SLC2A13: variants seen among roughly 807,000 people sequenced by gnomAD.
SLC2A13 encodes the protein proton myo-inositol cotransporter.
Under a neutral mutation model 64.4 loss-of-function variants are expected in SLC2A13, and 32 were observed. The ratio of observed to expected loss-of-function variants is 0.50; its 90% CI spans 0.37 to 0.67. The LOEUF (loss-of-function observed/expected upper bound fraction) is 0.67. Ranked by LOEUF, SLC2A13 falls within the 30% of genes least tolerant of loss-of-function variation. The pLI is 0.00. For missense variants in SLC2A13, 743 were observed against 829.2 expected (o/e 0.90, Z 1.28); for synonymous variants, 338 against 327.1 (o/e 1.03, Z -0.36).
chr12:39,860,143 A>G (rs999068531), intron 6 of SLC2A13, among the ~76,000 whole-genome samples: 1 of 152,224 alleles, frequency 6.6e-6, no homozygotes, highest in African/African-American at 2.4e-5. Flanking sequence ...GGACAAGAGA[A>G]GCCTAAAGAA....
intron 2 of SLC2A13, among the ~76,000 whole-genome samples, chr12:40,030,879 C>T (rs756292911): frequency 2.0e-5 from 3 of 152,060 alleles, no homozygotes; most frequent in Non-Finnish European, 4.4e-5. Flanking sequence ...AGTCTGGGTC[C>T]GAAATGTACA....
intron 4 of SLC2A13, among the ~76,000 whole-genome samples, chr12:39,878,740 G>GA (rs1322853021): frequency 2.0e-5 from 3 of 152,172 alleles, no homozygotes; most frequent in Non-Finnish European, 4.4e-5. Context: ...GGCAGAAAAA[G>GA]AAAAAAGCTT....
chr12:39,995,655 T>C (rs1947214865), intron 3 of SLC2A13, among the ~76,000 whole-genome samples: 1 of 152,244 alleles, frequency 6.6e-6, no homozygotes, highest in South Asian at 2.1e-4. Flanking sequence ...AATGTAGCTT[T>C]GACATCTGAT....
chr12:39,911,225 C>A (rs913100225), intron 4 of SLC2A13, among the ~76,000 whole-genome samples: 1 of 152,018 alleles, frequency 6.6e-6, no homozygotes, highest in African/African-American at 2.4e-5. Flanking sequence ...TTGGCCTTGG[C>A]AAGAACACGA....
At chr12:39,840,029 TTTTTG>T (rs928472331) in intron 6 of SLC2A13, among the ~76,000 whole-genome samples, 35 of 152,102 alleles carry the variant, frequency 2.3e-4, no homozygotes, top group African/African-American at 8.4e-4. Context: ...CCATTCTTTT[TTTTTG>T]TTTTGTTTTG....
At chr12:40,037,226 G>C (rs1452381704) in intron 2 of SLC2A13, among the ~76,000 whole-genome samples, 1 of 152,058 alleles carries the variant, frequency 6.6e-6, no homozygotes, top group African/African-American at 2.4e-5. Context: ...ATAGAATTAT[G>C]CTGGCTTCAA....
At chr12:39,908,873 C>A (rs1945359169) in intron 4 of SLC2A13, among the ~76,000 whole-genome samples, 1 of 151,830 alleles carries the variant, frequency 6.6e-6, no homozygotes, top group Non-Finnish European at 1.5e-5. Context: ...CTCTATGGGG[C>A]AATTCAGAAC....
chr12:39,930,778 A>C (rs886948936), intron 4 of SLC2A13, among the ~76,000 whole-genome samples: 2 of 152,208 alleles, frequency 1.3e-5, no homozygotes, highest in Admixed American at 6.5e-5. Context: ...TGCCACATAA[A>C]TATTCTGACT....
intron 4 of SLC2A13, among the ~76,000 whole-genome samples, chr12:39,896,570 ATGTATG>A (rs1484106669): frequency 8.7e-6 from 1 of 114,980 alleles, no homozygotes; most frequent in Non-Finnish European, 1.9e-5. Flanking sequence ...ACATATATGT[ATGTATG>A]TGTGTATATA....
intron 4 of SLC2A13, among the ~76,000 whole-genome samples, chr12:39,896,302 ATG>A (rs1944863298): frequency 7.0e-6 from 1 of 143,266 alleles, no homozygotes; most frequent in South Asian, 2.2e-4. Context: ...GTGTGTATAT[ATG>A]TATACATATA....
intron 6 of SLC2A13, among the ~76,000 whole-genome samples, chr12:39,851,869 T>C (rs899224344): frequency 6.6e-6 from 1 of 152,234 alleles, no homozygotes; most frequent in Non-Finnish European, 1.5e-5. Flanking sequence ...AAAAATGAGA[T>C]TATTTTCCCT....
chr12:39,811,569 G>T (rs1481063455), intron 7 of SLC2A13, among the ~76,000 whole-genome samples: 1 of 151,906 alleles, frequency 6.6e-6, no homozygotes, highest in Non-Finnish European at 1.5e-5. Context: ...TTACAGCATG[G>T]GTTATTTAGA....
At chr12:39,938,514 TAC>T (rs1305770703) in intron 4 of SLC2A13, among the ~76,000 whole-genome samples, 9 of 151,886 alleles carry the variant, frequency 5.9e-5, no homozygotes, top group Middle Eastern at 3.2e-3. Flanking sequence ...CATAAATACA[TAC>T]ATACATTAAT....
intron 1 of SLC2A13, among the ~76,000 whole-genome samples, chr12:40,075,314 T>C (rs1938127177): frequency 6.6e-6 from 1 of 152,184 alleles, no homozygotes. Flanking sequence ...CAGGTTTTCC[T>C]ATACAAGCAA....
chr12:39,783,168 G>A (rs1285374282), intron 7 of SLC2A13, among the ~76,000 whole-genome samples: 4 of 152,086 alleles, frequency 2.6e-5, no homozygotes, highest in South Asian at 4.1e-4. Context: ...ATGGTTTCCA[G>A]CTTCATCCAT....
chr12:40,009,644 G>A (rs1283758971), intron 3 of SLC2A13, among the ~76,000 whole-genome samples: 1 of 152,128 alleles, frequency 6.6e-6, no homozygotes, highest in Non-Finnish European at 1.5e-5. Context: ...TGTTGCCCAG[G>A]CTGGTCTTGA....
chr12:39,823,058 C>T (rs1942569565), intron 7 of SLC2A13, among the ~76,000 whole-genome samples: 1 of 152,168 alleles, frequency 6.6e-6, no homozygotes. Flanking sequence ...AGCCTAGAGG[C>T]ATGTGATCTC....
intron 3 of SLC2A13, among the ~76,000 whole-genome samples, chr12:40,025,796 A>C (rs1329504524): frequency 6.6e-6 from 1 of 152,110 alleles, no homozygotes; most frequent in Non-Finnish European, 1.5e-5. Flanking sequence ...CTTCAACACA[A>C]TGGCTGATTC....
chr12:39,911,337 C>T (rs1565538216), intron 4 of SLC2A13, among the ~76,000 whole-genome samples: 1 of 152,032 alleles, frequency 6.6e-6, no homozygotes, highest in East Asian at 1.9e-4. Context: ...TCACTTAAGA[C>T]TATTTTAAGT....
Sources: gnomAD v4.1 joint callset for allele counts (sites outside exome capture counted in the v4.1 genomes callset) on GRCh38, gnomAD v4.1.1 for gene constraint, MANE v1.5 for transcripts, NCBI Gene and HGNC (gene_info 2026-07-23, HGNC 2026-07-21) for gene names.